The following SRGAP1 variants were observed in gnomAD, a reference collection of about 807,000 sequenced individuals.
SRGAP1 encodes SLIT-ROBO Rho GTPase-activating protein 1.
Under a neutral mutation model 121.9 loss-of-function variants are expected in SRGAP1, and 43 were observed. The ratio of observed to expected loss-of-function variants is 0.35; its 90% CI spans 0.28 to 0.46. The LOEUF is 0.46. Among genes scored for constraint, SRGAP1 ranks in the 20% least tolerant of loss-of-function variants. The pLI, the probability that SRGAP1 is intolerant of heterozygous loss-of-function variation, is 1.00. For missense variants in SRGAP1, 1,102 were observed against 1,350.9 expected, an observed-to-expected ratio of 0.82 and a Z score of 2.89; for synonymous variants, 447 against 485.4, an observed-to-expected ratio of 0.92 and a Z score of 1.04.
chr12:64,091,868 C>T, intron 12 of SRGAP1: 1 of 1,533,106 alleles, frequency 6.5e-7, no homozygotes, highest in Non-Finnish European at 8.7e-7. Context: ...TCTTTTTCAT[C>T]CTGTATTTCT....
At chr12:64,067,235 TGTCCTTATAAACTTAGAGA>T (rs1179043787) in intron 8 of SRGAP1, among the ~76,000 whole-genome samples, 1 of 152,168 alleles carries the variant, frequency 6.6e-6, no homozygotes, top group Non-Finnish European at 1.5e-5. Context: ...AGAAGCACAG[TGTCCTTATAAACTTAGAGA>T]GTCAGGCAGT....
At chr12:64,094,777 G>C (rs2036121707) in intron 12 of SRGAP1, among the ~76,000 whole-genome samples, 155 bp from the exon 13 acceptor site, 1 of 152,186 alleles carries the variant, frequency 6.6e-6, no homozygotes, top group Admixed American at 6.5e-5. Flanking sequence ...GCACAGCAAA[G>C]TAAGTTGAAA....
At chr12:64,005,444 C>T (rs1018370435) in intron 3 of SRGAP1, among the ~76,000 whole-genome samples, 1 of 152,038 alleles carries the variant, frequency 6.6e-6, no homozygotes, top group Non-Finnish European at 1.5e-5. Context: ...GGAGTTCACA[C>T]CAGCCTGGGC....
At chr12:63,938,125 G>A (rs1334862282) in intron 1 of SRGAP1, among the ~76,000 whole-genome samples, 1 of 152,248 alleles carries the variant, frequency 6.6e-6, no homozygotes, top group Non-Finnish European at 1.5e-5. Flanking sequence ...TGTGGCCAGA[G>A]AAGAAAGGGC....
At chr12:64,085,371 G>T (rs775114819) in intron 10 of SRGAP1, among the ~76,000 whole-genome samples, 2 of 152,064 alleles carry the variant, frequency 1.3e-5, no homozygotes, top group Admixed American at 1.3e-4. Context: ...TAGACTTAAT[G>T]CTGTCATAAA....
At chr12:64,051,267 A>G (rs1226003866) in intron 6 of SRGAP1, among the ~76,000 whole-genome samples, 2 of 152,118 alleles carry the variant, frequency 1.3e-5, no homozygotes, top group African/African-American at 2.4e-5. Context: ...TAACCCACCA[A>G]CGGTGATGCT....
At chr12:63,949,006 A>G (rs2032168379) in intron 1 of SRGAP1, among the ~76,000 whole-genome samples, 1 of 113,850 alleles carries the variant, frequency 8.8e-6, no homozygotes, top group Non-Finnish European at 1.8e-5. Flanking sequence ...TTTTCCATAT[A>G]TATATTCATA....
intron 3 of SRGAP1, among the ~76,000 whole-genome samples, chr12:64,012,681 G>A (rs894185120): frequency 2.1e-5 from 3 of 142,900 alleles, no homozygotes; most frequent in African/African-American, 7.9e-5. Flanking sequence ...GCCTCTCATA[G>A]CTGGGACCAC....
intron 14 of SRGAP1, among the ~76,000 whole-genome samples, chr12:64,096,885 A>G (rs191803295): frequency 6.6e-6 from 1 of 152,326 alleles, no homozygotes; most frequent in Non-Finnish European, 1.5e-5. Flanking sequence ...GGTAAGAAAC[A>G]CAGGATGTAG....
chr12:64,147,464 T>A lies in SRGAP1; in HGVS notation c.*4792T>A, dbSNP rs1472659197. Reference sequence around the variant, plus strand: ...CGCCTTCCTGTGCCTCGGTGCTCAGTAATGTCCCATCTCACCTCCCTGTCG... The same window carrying A: ...CGCCTTCCTGTGCCTCGGTGCTCAGAAATGTCCCATCTCACCTCCCTGTCG... On this transcript the variant is annotated 3_prime_UTR_variant, in exon 22 of 22. Coordinates refer to ENST00000355086, the MANE Select transcript of SRGAP1 (RefSeq NM_020762.4). The A allele has an allele frequency of 2.8e-6, 1 of 357,412 alleles. No homozygotes were observed. The highest frequency in any genetic ancestry group is 4.8e-5 in the Admixed American group (1 of 21,046). 22.1% of individuals were successfully genotyped at this position (357,412 alleles called of 1,614,324 possible).
chr12:64,126,013 A>G lies in SRGAP1; in HGVS notation c.2261A>G (p.Tyr754Cys), dbSNP rs756876470. ...ATAGAAGCAATAGCCAAGTTTGACT[A>G]TGTTGGGCGGTCTGCCAGAGAACTA... ...EPIEAIAKFD[Y>C]VGRSARELSF... The change falls in exon 19 of 22, where the codon TAT becomes TGT. Residue 754 changes from tyrosine to cysteine, a missense_variant. By Grantham distance (194) the Tyr-to-Cys change is radical. This residue lies in a region of SRGAP1 where 747 missense variants were observed against 929.4 expected (regional missense o/e 0.80). Transcript: ENST00000355086. The G allele has an allele frequency of 5.0e-6, 8 of 1,614,116 alleles. No individual in the cohort carries two copies. The highest frequency in any genetic ancestry group is 1.3e-5 in the African/African-American group (1 of 75,034).
rs34957489 is a variant in SRGAP1 at position 63,850,596 on chromosome 12, ATT to A, written c.67+5730_67+5731del. On this transcript the variant is annotated intron_variant, in intron 1 of 21. Coordinates refer to ENST00000355086, the MANE Select transcript of SRGAP1 (RefSeq NM_020762.4). ...TAGGTACACACCACCATACCTGGCT[ATT>A]TTTTTTTTTTTTTTTTGTAAAGATA... Among the ~76,000 whole-genome samples, 94 of 124,308 alleles carry A rather than the reference ATT, an allele frequency of 7.6e-4. 1 individual carries two copies. The highest frequency in any genetic ancestry group is 6.8e-3 in the East Asian group (27 of 3,994). 81.6% of individuals were successfully genotyped at this position (124,308 alleles called of 152,430 possible).
At chr12:64,068,476 A>AGGC (rs2035581263) in intron 8 of SRGAP1, among the ~76,000 whole-genome samples, 2 of 150,116 alleles carry the variant, frequency 1.3e-5, no homozygotes, top group South Asian at 2.1e-4. Flanking sequence ...CTGGGACTAC[A>AGGC]AGTGTTAACC....
chr12:64,081,752 T>G (rs982213930), intron 10 of SRGAP1: 6 of 151,528 alleles, frequency 4.0e-5, no homozygotes, highest in Non-Finnish European at 7.4e-5. Flanking sequence ...AGTGTCATGA[T>G]GTCTGCAACT....
intron 1 of SRGAP1, among the ~76,000 whole-genome samples, chr12:63,892,637 A>G (rs531182088): frequency 4.8e-4 from 73 of 152,274 alleles, no homozygotes; most frequent in African/African-American, 1.7e-3. Flanking sequence ...AACCATGATA[A>G]GCACCATATG....
At chr12:63,962,984 G>A (rs1464982649) in intron 1 of SRGAP1, among the ~76,000 whole-genome samples, 1 of 152,128 alleles carries the variant, frequency 6.6e-6, no homozygotes, top group East Asian at 1.9e-4. Flanking sequence ...TAAAATAAAT[G>A]TTACCTGTTT....
chr12:63,897,603 A>G (rs902950245), intron 1 of SRGAP1, among the ~76,000 whole-genome samples: 10 of 152,222 alleles, frequency 6.6e-5, no homozygotes. Flanking sequence ...TTCTTTTGGT[A>G]ACAACCTCAA....
chr12:63,885,407 A>G (rs1362519449), intron 1 of SRGAP1, among the ~76,000 whole-genome samples: 1 of 152,186 alleles, frequency 6.6e-6, no homozygotes, highest in African/African-American at 2.4e-5. Flanking sequence ...CCTGGGCACC[A>G]CGCTCCAGGA....
chr12:64,032,556 C>G, intron 4 of SRGAP1: 1 of 1,058,932 alleles, frequency 9.4e-7, no homozygotes, highest in Non-Finnish European at 1.4e-6. Context: ...GTGCCTTGAC[C>G]AGAGCCACGG....
Sources: gnomAD v4.1 joint callset for allele counts (sites outside exome capture counted in the v4.1 genomes callset) on GRCh38, gnomAD v4.1.1 for gene constraint, gnomAD v4.1.1 regional missense constraint, MANE v1.5 for transcripts, NCBI Gene and HGNC (gene_info 2026-07-23, HGNC 2026-07-21) for gene names.